ZMPSTE24: variants seen among roughly 807,000 people sequenced by gnomAD.
ZMPSTE24 encodes CAAX prenyl protease 1 homolog.
In ZMPSTE24, 48 loss-of-function variants were observed where a neutral mutation model predicts 56.7. The ratio of observed to expected loss-of-function variants is 0.85; its 90% confidence interval spans 0.67 to 1.08. ZMPSTE24 has a LOEUF of 1.08. Among genes scored for constraint, ZMPSTE24 ranks in the 50% least tolerant of loss-of-function variants. ZMPSTE24 has a pLI of 0.00. For missense variants in ZMPSTE24, 503 were observed against 548.7 expected, an observed-to-expected ratio of 0.92 and a Z score of 0.83; for synonymous variants, 172 against 195.2, an observed-to-expected ratio of 0.88 and a Z score of 0.99.
chr1:40,261,055 A>C (rs1483294514), intron 2 of ZMPSTE24, 70 bp downstream of exon 2: 1 of 1,568,478 alleles, frequency 6.4e-7, no homozygotes. Context: ...GTAACACAAA[A>C]GAGGGTACCA....
At chr1:40,261,174 T>G (rs1404141925) in intron 2 of ZMPSTE24, among the ~76,000 whole-genome samples, 189 bp downstream of exon 2, 1 of 152,166 alleles carries the variant, frequency 6.6e-6, no homozygotes, top group Non-Finnish European at 1.5e-5. Flanking sequence ...CTATAGAATA[T>G]GGGAACTATT....
chr1:40,280,701 C>T (rs991040052), intron 6 of ZMPSTE24, among the ~76,000 whole-genome samples: 1 of 152,216 alleles, frequency 6.6e-6, no homozygotes, highest in African/African-American at 2.4e-5. Flanking sequence ...GCTGGGATTA[C>T]AGGCATGAGC....
chr1:40,261,785 C>G (rs1010521448), intron 2 of ZMPSTE24, among the ~76,000 whole-genome samples: 20 of 152,202 alleles, frequency 1.3e-4, no homozygotes, highest in African/African-American at 4.8e-4. Context: ...TCTTGGCTCA[C>G]TGCAATCTCC....
chr1:40,273,936 A>G (rs1179532913), intron 6 of ZMPSTE24, among the ~76,000 whole-genome samples: 1 of 152,010 alleles, frequency 6.6e-6, no homozygotes, highest in African/African-American at 2.4e-5. Flanking sequence ...CATCCAGAGT[A>G]TGAGAGCTAT....
intron 9 of ZMPSTE24, among the ~76,000 whole-genome samples, chr1:40,292,039 C>T (rs1198757322): frequency 2.0e-5 from 3 of 151,950 alleles, no homozygotes; most frequent in Non-Finnish European, 4.4e-5. Flanking sequence ...CAGGGTTTCA[C>T]CATGTTGGCC....
rs144098761 is a variant in ZMPSTE24, at chr1:40,261,539, G to A, written c.270+554G>A. The stretch of plus-strand genomic sequence containing the variant: ...CAGAGTGCTGGGATTATAGGCATGA[G>A]CCACACTGTACCTGGCCTGATTTGA... On this transcript the variant is annotated intron_variant, in intron 2 of 9. Transcript: ENST00000372759. Among the ~76,000 whole-genome samples the A allele has an allele frequency of 4.2e-3, 633 of 152,230 alleles. 6 individuals carry two copies. The highest frequency in any genetic ancestry group is 0.015 in the African/African-American group (604 of 41,534).
In ZMPSTE24 at chr1:40,286,810, C is replaced by A. The variant is rs371908139; in HGVS notation, c.1059+781C>A. ...TGGCGTGATCTCGGCTCACTGCAGC[C>A]TCTGCCTCCCGGGTTCAAGCAATTC... On this transcript the variant is annotated intron_variant, in intron 8 of 9. Coordinates refer to ENST00000372759, the MANE Select transcript of ZMPSTE24 (RefSeq NM_005857.5). Among the ~76,000 whole-genome samples the A allele has an allele frequency of 7.9e-5, 12 of 151,508 alleles. 1 individual carries two copies. The highest frequency in any genetic ancestry group is 3.9e-4 in the East Asian group (2 of 5,150).
At chr1:40,286,443 CAG>C (rs1643787483) in intron 8 of ZMPSTE24, among the ~76,000 whole-genome samples, 1 of 152,052 alleles carries the variant, frequency 6.6e-6, no homozygotes, top group African/African-American at 2.4e-5. Context: ...TTTTTTGAGA[CAG>C]AGTCTCGCTC....
In ZMPSTE24 at chr1:40,292,542, C is replaced by T. The variant is rs1643853802; in HGVS notation, c.1301C>T (p.Ala434Val). Residue 434 changes from alanine to valine, a missense_variant, in exon 10 of 10, where the codon GCT becomes GTT. Physicochemically the swap from Ala to Val is moderately conservative, Grantham distance 64 (BLOSUM62 0). Coordinates refer to ENST00000372759, the MANE Select transcript of ZMPSTE24 (RefSeq NM_005857.5). ...KLGKAKDLYSALIKLNKDNLG... is the reference protein window; with the variant it reads ...KLGKAKDLYSVLIKLNKDNLG... The stretch of plus-strand genomic sequence containing the variant: ...GGGAAGGCTAAAGACTTATATTCTG[C>T]TTTAATCAAACTTAACAAAGATAAC... 6.2e-7 allele frequency: 1 copy of T among 1,614,042 alleles called. No homozygotes were observed. Among genetic ancestry groups the T allele is most frequent in the Non-Finnish European group, 8.5e-7 (1 of 1,180,008 alleles).
intron 2 of ZMPSTE24, chr1:40,262,750 AT>A: frequency 9.9e-7 from 1 of 1,014,292 alleles, no homozygotes; most frequent in Non-Finnish European, 1.2e-6. Context: ...TGGTAAGTGT[AT>A]TTGCCTCTTC....
intron 9 of ZMPSTE24, among the ~76,000 whole-genome samples, chr1:40,291,432 A>T (rs1471914930): frequency 6.6e-6 from 1 of 152,206 alleles, no homozygotes; most frequent in African/African-American, 2.4e-5. Flanking sequence ...AGCCTGAGGG[A>T]TCCACCCAAA....
chr1:40,270,603 A>G (rs1192339109), intron 5 of ZMPSTE24, among the ~76,000 whole-genome samples: 6 of 151,394 alleles, frequency 4.0e-5, no homozygotes, highest in Non-Finnish European at 8.8e-5. Context: ...TCTTTGCCCC[A>G]TCTGCTTCCC....
intron 2 of ZMPSTE24, among the ~76,000 whole-genome samples, chr1:40,265,401 G>A (rs1643538783): frequency 1.3e-5 from 2 of 152,196 alleles, no homozygotes; most frequent in Admixed American, 1.3e-4. Flanking sequence ...TGGAGGTAGT[G>A]TTAGGGGAGC....
At chr1:40,280,150 G>A (rs1308115902) in intron 6 of ZMPSTE24, among the ~76,000 whole-genome samples, 1 of 152,082 alleles carries the variant, frequency 6.6e-6, no homozygotes, top group Non-Finnish European at 1.5e-5. Context: ...ACCGTAGAAT[G>A]GTCGACATTG....
intron 8 of ZMPSTE24, among the ~76,000 whole-genome samples, chr1:40,290,156 G>C (rs1249371741): frequency 6.6e-6 from 1 of 152,004 alleles, no homozygotes; most frequent in Non-Finnish European, 1.5e-5. Context: ...GGCCCAGGTG[G>C]GTGGATCATC....
intron 6 of ZMPSTE24, among the ~76,000 whole-genome samples, chr1:40,277,701 G>A (rs1397473502): frequency 6.6e-6 from 1 of 152,040 alleles, no homozygotes; most frequent in East Asian, 1.9e-4. Context: ...AGGCGTGGTA[G>A]CTCACACCTG....
chr1:40,292,861 G>A lies in ZMPSTE24; in HGVS notation c.*192G>A. The A allele has an allele frequency of 3.9e-6, 2 of 516,822 alleles. No homozygotes were observed. The highest frequency in any genetic ancestry group is 4.7e-5 in the South Asian group (2 of 42,140). 32.0% of individuals were successfully genotyped at this position (516,822 alleles called of 1,614,324 possible). On this transcript the variant is annotated 3_prime_UTR_variant, in exon 10 of 10. Coordinates refer to ENST00000372759, the MANE Select transcript of ZMPSTE24 (RefSeq NM_005857.5). Reference sequence around the variant, plus strand: ...TTTCTTAAAACACTGAATGAATTTTGAAGCTTAATGTTTTTAAAGGCATAG... The same window carrying A: ...TTTCTTAAAACACTGAATGAATTTTAAAGCTTAATGTTTTTAAAGGCATAG...
At chr1:40,283,571 G>A (rs927409468) in intron 7 of ZMPSTE24, among the ~76,000 whole-genome samples, 1 of 151,350 alleles carries the variant, frequency 6.6e-6, no homozygotes, top group African/African-American at 2.4e-5. Context: ...TGCTTTTCTG[G>A]AAGTTTGTTA....
Position 40,293,793 on chromosome 1 carries a change from G to A in ZMPSTE24, c.*1124G>A, listed in dbSNP as rs1643864130. On this transcript the variant is annotated 3_prime_UTR_variant, in exon 10 of 10. Transcript: ENST00000372759. ...TGATTTCCAGTTTTTAAAGCTATAT[G>A]TTTCACTGCTTCATATCTCTGTCCA... The A allele has an allele frequency of 6.6e-6, 1 of 152,104 alleles. No homozygotes were observed. The highest frequency in any genetic ancestry group is 1.9e-4 in the East Asian group (1 of 5,200). 9.4% of individuals were successfully genotyped at this position (152,104 alleles called of 1,614,324 possible). A position where few individuals can be genotyped will look rare whatever the true frequency, so the allele number is the denominator to read the frequency against.
Sources: gnomAD v4.1 joint callset for allele counts (sites outside exome capture counted in the v4.1 genomes callset) on GRCh38, gnomAD v4.1.1 for gene constraint, MANE v1.5 for transcripts, NCBI Gene and HGNC (gene_info 2026-07-23, HGNC 2026-07-21) for gene names.